CCDC146: variants seen among roughly 807,000 people sequenced by gnomAD.
CCDC146 encodes coiled-coil domain containing 146.
CCDC146 carries 92 observed loss-of-function variants against 119.3 expected under a neutral mutation model. That is an observed-to-expected ratio of 0.77 (90% CI 0.65 to 0.92). The LOEUF (loss-of-function observed/expected upper bound fraction) is 0.92. Ranked by LOEUF, CCDC146 falls within the 40% of genes least tolerant of loss-of-function variation. The pLI is 0.00. For missense variants in CCDC146, 1,000 were observed against 1,103.0 expected, an observed-to-expected ratio of 0.91 and a Z score of 1.32; for synonymous variants, 372 against 371.8, an observed-to-expected ratio of 1.00 and a Z score of -0.01.
chr7:77,157,842 A>AT (rs1038971185), intron 1 of CCDC146, among the ~76,000 whole-genome samples: 14 of 152,060 alleles, frequency 9.2e-5, no homozygotes, highest in African/African-American at 3.1e-4. Context: ...TATGTCTGTG[A>AT]TTTTTTGATT....
intron 2 of CCDC146, chr7:77,198,337 C>T (rs992332444): frequency 1.8e-5 from 18 of 984,614 alleles, no homozygotes; most frequent in Non-Finnish European, 2.0e-5. Context: ...GGTCCAAATG[C>T]GGAGATGGCT....
chr7:77,193,146 C>T (rs566214781), intron 2 of CCDC146, among the ~76,000 whole-genome samples: 1 of 151,970 alleles, frequency 6.6e-6, no homozygotes, highest in Non-Finnish European at 1.5e-5. Flanking sequence ...ACACTAATAA[C>T]GGAAAAAGAG....
chr7:77,160,944 AAAAC>A (rs1445135841), intron 1 of CCDC146, among the ~76,000 whole-genome samples: 4 of 152,182 alleles, frequency 2.6e-5, no homozygotes, highest in East Asian at 1.9e-4. Flanking sequence ...TTACAAGAAA[AAAAC>A]AAACAACCCC....
chr7:77,218,833 A>G (rs1387302262), intron 2 of CCDC146, among the ~76,000 whole-genome samples: 2 of 151,950 alleles, frequency 1.3e-5, no homozygotes, highest in African/African-American at 2.4e-5. Context: ...CAGCCTCCCA[A>G]TGAGCTGGGA....
intron 1 of CCDC146, among the ~76,000 whole-genome samples, chr7:77,140,618 C>T (rs28689102): frequency 6.6e-5 from 10 of 152,216 alleles, no homozygotes; most frequent in African/African-American, 2.2e-4. Context: ...CCCACAGGCC[C>T]CATCTGGAAA....
intron 2 of CCDC146, among the ~76,000 whole-genome samples, chr7:77,215,196 T>A (rs1792282236): frequency 6.6e-6 from 1 of 151,316 alleles, no homozygotes; most frequent in Non-Finnish European, 1.5e-5. Context: ...TGGTGTTTTT[T>A]TTTTTTTGAA....
At position 77,196,614 on chromosome 7, in the gene CCDC146, G is replaced by A. The variant is rs1373659990; in HGVS notation, c.156+28790G>A. The stretch of plus-strand genomic sequence containing the variant: ...CCATTATAGTTACCAACGTGTAAAC[G>A]ATATTTGAGAAACTCATTAGCCACA... On this transcript the variant is annotated intron_variant, in intron 2 of 18. Transcript: ENST00000285871. The surrounding 1 kb of genome is among the most constrained non-coding windows in gnomAD (Gnocchi z 4.2). 1.9e-6 allele frequency: 3 copies of A among 1,614,010 alleles called. No homozygotes were observed. Among genetic ancestry groups the A allele is most frequent in the South Asian group, 1.1e-5 (1 of 91,066 alleles).
In CCDC146 at chr7:77,136,570, T is replaced by C. The variant is rs1302282203; in HGVS notation, c.-12+13838T>C. On this transcript the variant is annotated intron_variant, in intron 1 of 18. Coordinates refer to ENST00000285871, the MANE Select transcript of CCDC146 (RefSeq NM_020879.3). ...GAAAGATATAACATGCCAAAATCCA[T>C]ATAAGAAGAAATAGACTCTCTGAAT... Among the ~76,000 whole-genome samples the C allele has an allele frequency of 5.9e-5, 9 of 152,292 alleles. No individual in the cohort carries two copies. In the East Asian group the frequency reaches 1.7e-3, roughly 29 times the overall value.
intron 2 of CCDC146, among the ~76,000 whole-genome samples, chr7:77,214,027 T>C (rs1290378489): frequency 1.3e-5 from 2 of 152,216 alleles, no homozygotes; most frequent in Non-Finnish European, 2.9e-5. Flanking sequence ...TTTAGTTCTT[T>C]GAAAAATTTC....
chr7:77,198,044 A>G, intron 2 of CCDC146: 1 of 776,200 alleles, frequency 1.3e-6, no homozygotes, highest in Non-Finnish European at 1.6e-6. Context: ...AATGTTTAGG[A>G]GAAAAATAGA....
chr7:77,235,059 A>G (rs1187593155), intron 2 of CCDC146, among the ~76,000 whole-genome samples: 4 of 152,192 alleles, frequency 2.6e-5, no homozygotes, highest in African/African-American at 7.2e-5. Context: ...TGATAGCTGC[A>G]TTCATTCATT....
At chr7:77,149,425 A>C (rs1196885262) in intron 1 of CCDC146, among the ~76,000 whole-genome samples, 2 of 152,168 alleles carry the variant, frequency 1.3e-5, no homozygotes, top group African/African-American at 4.8e-5. Flanking sequence ...CAGACAAAAC[A>C]ATTTTGAAAA....
At chr7:77,187,420 A>G (rs1006462374) in intron 2 of CCDC146, among the ~76,000 whole-genome samples, 1 of 152,236 alleles carries the variant, frequency 6.6e-6, no homozygotes, top group African/African-American at 2.4e-5. Flanking sequence ...GGCCTAGTAC[A>G]TAAGCTCAGT....
intron 2 of CCDC146, chr7:77,198,096 A>G (rs1791909844): frequency 1.0e-6 from 1 of 983,356 alleles, no homozygotes; most frequent in African/African-American, 1.7e-5. Flanking sequence ...GCAGCATCTA[A>G]TCTAATGTAT....
chr7:77,132,205 A>G (rs1429318429), intron 1 of CCDC146, among the ~76,000 whole-genome samples: 1 of 151,802 alleles, frequency 6.6e-6, no homozygotes, highest in Non-Finnish European at 1.5e-5. Context: ...AAAGGAGAGA[A>G]CTCTTCCCAA....
chr7:77,149,982 G>A (rs1173804708), intron 1 of CCDC146, among the ~76,000 whole-genome samples: 3 of 150,776 alleles, frequency 2.0e-5, no homozygotes, highest in Non-Finnish European at 4.4e-5. Flanking sequence ...ACAAATGGCG[G>A]GAATAATTGT....
At chr7:77,181,341 G>A (rs1296885253) in intron 2 of CCDC146, among the ~76,000 whole-genome samples, 1 of 152,186 alleles carries the variant, frequency 6.6e-6, no homozygotes, top group African/African-American at 2.4e-5. Context: ...GCAGTGGGGT[G>A]ATAAAGGTCA....
At chr7:77,248,688 A>T (rs1330047214) in intron 4 of CCDC146, among the ~76,000 whole-genome samples, 1 of 152,242 alleles carries the variant, frequency 6.6e-6, no homozygotes, top group Non-Finnish European at 1.5e-5. Flanking sequence ...TCTTCAGGAA[A>T]TCTGGTCAAT....
intron 9 of CCDC146, among the ~76,000 whole-genome samples, chr7:77,273,197 T>C (rs1403640595): frequency 6.6e-6 from 1 of 152,206 alleles, no homozygotes; most frequent in Non-Finnish European, 1.5e-5. Flanking sequence ...ATCTGTACAA[T>C]TGGAGAAAAT....
Sources: gnomAD v4.1 joint callset for allele counts (sites outside exome capture counted in the v4.1 genomes callset) on GRCh38, gnomAD v4.1.1 for gene constraint, Gnocchi (gnomAD v3.1) non-coding constraint, MANE v1.5 for transcripts, NCBI Gene and HGNC (gene_info 2026-07-23, HGNC 2026-07-21) for gene names.